The following ESR1 variants were observed in gnomAD, a reference collection of about 807,000 sequenced individuals.
ESR1 encodes the protein estrogen receptor.
ESR1 carries 12 observed loss-of-function variants against 52.7 expected under a neutral mutation model. The ratio of observed to expected loss-of-function variants is 0.23; its 90% CI spans 0.15 to 0.37. The LOEUF (loss-of-function observed/expected upper bound fraction) is 0.37. Ranked by LOEUF, ESR1 falls within the 10% of genes least tolerant of loss-of-function variation. The pLI is 1.00. For missense variants in ESR1, 584 were observed against 779.7 expected (o/e 0.75, Z 2.99); for synonymous variants, 305 against 316.8 (o/e 0.96, Z 0.39).
intron 2 of ESR1, among the ~76,000 whole-genome samples, chr6:151,737,277 A>G (rs978011326): frequency 6.6e-6 from 1 of 152,186 alleles, no homozygotes; most frequent in Non-Finnish European, 1.5e-5. Context: ...TTTACGATAG[A>G]GTCCTAGAAT....
At chr6:151,893,149 C>T (rs757353096) in intron 3 of ESR1, among the ~76,000 whole-genome samples, 1 of 152,158 alleles carries the variant, frequency 6.6e-6, no homozygotes, top group Non-Finnish European at 1.5e-5. Context: ...CAAGATCGTG[C>T]CACTGCACTC....
intron 6 of ESR1, chr6:152,122,593 C>G (rs757466963): frequency 6.2e-7 from 1 of 1,614,178 alleles, no homozygotes; most frequent in East Asian, 2.2e-5. Flanking sequence ...AAGAGCTGCT[C>G]GGAGGACTCT....
chr6:152,047,183 C>G (rs757598221), intron 5 of ESR1, among the ~76,000 whole-genome samples: 1 of 151,976 alleles, frequency 6.6e-6, no homozygotes, highest in Non-Finnish European at 1.5e-5. Flanking sequence ...GAGATCATCT[C>G]ATCCATGTCT....
At chr6:151,942,275 C>T (rs1372428936) in intron 3 of ESR1, among the ~76,000 whole-genome samples, 1 of 152,086 alleles carries the variant, frequency 6.6e-6, no homozygotes, top group African/African-American at 2.4e-5. Flanking sequence ...TAAGTTTGTA[C>T]CTACATAATG....
chr6:152,058,418 A>G (rs983903662), intron 5 of ESR1, among the ~76,000 whole-genome samples: 1 of 151,878 alleles, frequency 6.6e-6, no homozygotes, highest in East Asian at 1.9e-4. Flanking sequence ...TTTTTTTCTG[A>G]CTCCTTCAAG....
chr6:152,051,557 G>A (rs938546008), intron 5 of ESR1, among the ~76,000 whole-genome samples: 5 of 152,018 alleles, frequency 3.3e-5, no homozygotes. Flanking sequence ...TCTTTTGCAG[G>A]CTCATCTTTC....
intron 1 of ESR1, among the ~76,000 whole-genome samples, chr6:151,697,322 A>G (rs1779423367): frequency 6.6e-6 from 1 of 152,226 alleles, no homozygotes; most frequent in South Asian, 2.1e-4. Context: ...TGGTGGAGAA[A>G]GAAGTGTATT....
chr6:151,781,405 G>T (rs147745767), intron 2 of ESR1, among the ~76,000 whole-genome samples: 2 of 152,342 alleles, frequency 1.3e-5, no homozygotes, highest in African/African-American at 4.8e-5. Context: ...TGAAGGTGGA[G>T]GCCTCATGGC....
At chr6:151,895,295 G>C (rs1291599439) in intron 3 of ESR1, among the ~76,000 whole-genome samples, 2 of 151,998 alleles carry the variant, frequency 1.3e-5, no homozygotes, top group Admixed American at 6.5e-5. Flanking sequence ...GGAGCTTTTT[G>C]GGGGAGTCTT....
intron 2 of ESR1, among the ~76,000 whole-genome samples, chr6:151,792,986 C>T (rs6912516): frequency 0.059 from 8,981 of 151,744 alleles, 423 homozygotes; most frequent in South Asian, 0.16. Context: ...CTGGCTAACA[C>T]GGTGAAACCC....
intron 4 of ESR1, among the ~76,000 whole-genome samples, chr6:151,984,433 A>G (rs1235122761): frequency 3.3e-5 from 5 of 152,142 alleles, no homozygotes; most frequent in Admixed American, 6.5e-5. Context: ...GCAACAACTA[A>G]CTTGGTAATC....
At chr6:151,703,578 C>A (rs535610289) in intron 2 of ESR1, among the ~76,000 whole-genome samples, 4 of 152,286 alleles carry the variant, frequency 2.6e-5, no homozygotes, top group African/African-American at 9.6e-5. Context: ...GCGCCTGTAG[C>A]TCTTTGCCAG....
intron 6 of ESR1, among the ~76,000 whole-genome samples, chr6:152,121,486 A>G (rs2152518166): frequency 6.6e-6 from 1 of 152,318 alleles, no homozygotes; most frequent in South Asian, 2.1e-4. Context: ...CTATGGAAGG[A>G]AGAGAAAAAA....
At chr6:151,901,360 C>T (rs1796666085) in intron 3 of ESR1, among the ~76,000 whole-genome samples, 2 of 152,196 alleles carry the variant, frequency 1.3e-5, no homozygotes, top group African/African-American at 4.8e-5. Flanking sequence ...CGCAGGCTAC[C>T]AGCCTCCCAG....
At chr6:151,680,307 G>A (rs994465726) in intron 1 of ESR1, among the ~76,000 whole-genome samples, 5 of 149,868 alleles carry the variant, frequency 3.3e-5, no homozygotes, top group Non-Finnish European at 7.4e-5. Context: ...AGGTTCAAGT[G>A]AGTCTCCTGC....
At chr6:151,681,290 G>A (rs1778449312) in intron 1 of ESR1, among the ~76,000 whole-genome samples, 1 of 152,124 alleles carries the variant, frequency 6.6e-6, no homozygotes. Context: ...CTGGGGTTGC[G>A]CTGGAGTGTG....
chr6:152,076,946 A>AT (rs1331070955), intron 6 of ESR1, among the ~76,000 whole-genome samples: 1 of 152,162 alleles, frequency 6.6e-6, no homozygotes, highest in African/African-American at 2.4e-5. Context: ...AGAAAAACCC[A>AT]TTTTTTTGAG....
At chr6:152,118,876 G>A (rs1388916130) in intron 6 of ESR1, among the ~76,000 whole-genome samples, 1 of 152,134 alleles carries the variant, frequency 6.6e-6, no homozygotes, top group Non-Finnish European at 1.5e-5. Flanking sequence ...GCCACATAGT[G>A]GGCATTCAGT....
chr6:151,933,379 A>T (rs1362512034), intron 3 of ESR1, among the ~76,000 whole-genome samples: 3 of 151,068 alleles, frequency 2.0e-5, no homozygotes, highest in African/African-American at 7.3e-5. Context: ...TTTTCTAGAT[A>T]TACAATCATG....
Sources: allele counts gnomAD v4.1 joint callset (sites outside exome capture counted in the v4.1 genomes callset), GRCh38; gene constraint gnomAD v4.1.1; transcripts MANE v1.5; gene names NCBI Gene and HGNC (gene_info 2026-07-23, HGNC 2026-07-21).